Variants in KCNQ5 observed in about 807,000 individuals in gnomAD.
KCNQ5 encodes potassium voltage-gated channel subfamily Q member 5.
In KCNQ5, 30 loss-of-function variants were observed where a neutral mutation model predicts 98.2. The observed-to-expected ratio is 0.31, with a 90% CI of 0.23 to 0.41. KCNQ5 has a LOEUF of 0.41. KCNQ5 is among the 10% of genes least tolerant of loss of function. The pLI is 1.00. For missense variants in KCNQ5, 835 were observed against 1,182.5 expected (o/e 0.71, Z 4.31); for synonymous variants, 458 against 449.4 (o/e 1.02, Z -0.24).
chr6:73,168,036 C>G (rs977062632), intron 10 of KCNQ5, among the ~76,000 whole-genome samples: 2 of 152,160 alleles, frequency 1.3e-5, no homozygotes, highest in Admixed American at 1.3e-4. Flanking sequence ...TCATCTCTCT[C>G]CTACTAGGCT....
At chr6:73,093,664 C>T (rs1051663875) in intron 5 of KCNQ5, among the ~76,000 whole-genome samples, 1 of 152,002 alleles carries the variant, frequency 6.6e-6, no homozygotes, top group Non-Finnish European at 1.5e-5. Flanking sequence ...CATTTTTGGC[C>T]CAATGATCAT....
intron 1 of KCNQ5, among the ~76,000 whole-genome samples, chr6:72,725,301 T>G (rs1404410491): frequency 6.6e-6 from 1 of 152,162 alleles, no homozygotes; most frequent in Non-Finnish European, 1.5e-5. Context: ...GAAGATCAAG[T>G]AGTCATCATT....
At chr6:73,037,816 G>A (rs568854814) in intron 2 of KCNQ5, among the ~76,000 whole-genome samples, 10 of 152,000 alleles carry the variant, frequency 6.6e-5, no homozygotes, top group African/African-American at 1.2e-4. Context: ...GATTGATCTC[G>A]TTTTATTCTT....
intron 1 of KCNQ5, among the ~76,000 whole-genome samples, chr6:72,979,321 T>G (rs1374433772): frequency 6.6e-6 from 1 of 152,230 alleles, no homozygotes; most frequent in Non-Finnish European, 1.5e-5. Flanking sequence ...TTTCTCCACA[T>G]CCTCTCCAGC....
chr6:73,083,759 A>G (rs1433777515), intron 5 of KCNQ5, among the ~76,000 whole-genome samples: 1 of 152,234 alleles, frequency 6.6e-6, no homozygotes, highest in Non-Finnish European at 1.5e-5. Context: ...ATTAATATAT[A>G]ATATCAGAAA....
intron 1 of KCNQ5, among the ~76,000 whole-genome samples, chr6:72,715,257 G>A (rs911386236): frequency 2.0e-5 from 3 of 152,128 alleles, no homozygotes; most frequent in Admixed American, 6.5e-5. Context: ...TGTACCTGCT[G>A]GTGAGATCAC....
At chr6:73,183,380 G>T (rs576197849) in intron 11 of KCNQ5, among the ~76,000 whole-genome samples, 1 of 152,148 alleles carries the variant, frequency 6.6e-6, no homozygotes, top group Non-Finnish European at 1.5e-5. Context: ...CAGAATGCAG[G>T]TAAAGTACTT....
intron 2 of KCNQ5, among the ~76,000 whole-genome samples, chr6:73,034,037 A>G (rs1403006033): frequency 6.6e-6 from 1 of 152,190 alleles, no homozygotes; most frequent in Non-Finnish European, 1.5e-5. Flanking sequence ...ATTCCGGAAG[A>G]TATTTACTTT....
chr6:73,038,025 C>T (rs1293845197), intron 2 of KCNQ5, among the ~76,000 whole-genome samples: 1 of 152,048 alleles, frequency 6.6e-6, no homozygotes, highest in African/African-American at 2.4e-5. Flanking sequence ...TTTCTCCTCA[C>T]TTATTTAGGT....
chr6:73,024,259 A>G lies in KCNQ5; in HGVS notation c.490-17677A>G, dbSNP rs372627252. Among the ~76,000 whole-genome samples, 88 of 152,260 alleles carry G rather than the reference A, an allele frequency of 5.8e-4. No homozygotes were observed. In the South Asian group the frequency reaches 0.013, roughly 23 times the overall value. On this transcript the variant is annotated intron_variant, in intron 2 of 13. Transcript: ENST00000370398. ...AACCACTGACACAAGCACCTGCATC[A>G]TTAGGACAGAATGATTTCAAAGGAC...
chr6:72,955,508 TTATAAC>T (rs1482241754), intron 1 of KCNQ5, among the ~76,000 whole-genome samples: 2 of 152,202 alleles, frequency 1.3e-5, no homozygotes, highest in African/African-American at 2.4e-5. Flanking sequence ...CCCTAATCTA[TTATAAC>T]TATAAGTAGG....
chr6:72,917,560 C>T (rs1562066460), intron 1 of KCNQ5, among the ~76,000 whole-genome samples: 2 of 151,934 alleles, frequency 1.3e-5, no homozygotes, highest in Non-Finnish European at 2.9e-5. Context: ...GCAACCTCCA[C>T]CTCCCAGGTT....
chr6:73,136,127 G>A (rs1033067276), intron 10 of KCNQ5: 12 of 152,274 alleles, frequency 7.9e-5, no homozygotes, highest in African/African-American at 2.6e-4. Flanking sequence ...GCTGAGATGT[G>A]TCCATATCTT....
chr6:73,105,947 C>A (rs1774980530), intron 6 of KCNQ5, among the ~76,000 whole-genome samples: 1 of 152,122 alleles, frequency 6.6e-6, no homozygotes, highest in African/African-American at 2.4e-5. Flanking sequence ...TGAAGCCTGC[C>A]TTTCTCATAC....
At chr6:72,675,814 A>AT (rs1478602405) in intron 1 of KCNQ5, among the ~76,000 whole-genome samples, 1 of 152,098 alleles carries the variant, frequency 6.6e-6, no homozygotes, top group Admixed American at 6.6e-5. Context: ...ATTTAGAAGG[A>AT]TTTTCCAGTG....
At chr6:73,001,612 G>A (rs1769573351) in intron 1 of KCNQ5, among the ~76,000 whole-genome samples, 1 of 152,080 alleles carries the variant, frequency 6.6e-6, no homozygotes, top group Non-Finnish European at 1.5e-5. Flanking sequence ...GACTTGGTGG[G>A]GAAAGGGAGG....
At chr6:73,135,177 GAC>G (rs1159033127) in intron 10 of KCNQ5, 1 of 151,152 alleles carries the variant, frequency 6.6e-6, no homozygotes, top group Non-Finnish European at 1.5e-5. Context: ...AAAAATTATT[GAC>G]ACAGAAAGAT....
intron 1 of KCNQ5, among the ~76,000 whole-genome samples, chr6:72,724,009 T>C (rs1459323895): frequency 6.6e-6 from 1 of 152,220 alleles, no homozygotes; most frequent in Non-Finnish European, 1.5e-5. Flanking sequence ...ATTGACTTTC[T>C]TTTGACACGC....
chr6:73,099,227 A>G (rs1212480145), intron 5 of KCNQ5, among the ~76,000 whole-genome samples: 1 of 152,144 alleles, frequency 6.6e-6, no homozygotes, highest in African/African-American at 2.4e-5. Context: ...AAAGGAAGAC[A>G]AGAAGGAAAG....
Sources: allele counts gnomAD v4.1 joint callset (sites outside exome capture counted in the v4.1 genomes callset), GRCh38; gene constraint gnomAD v4.1.1; transcripts MANE v1.5; gene names NCBI Gene and HGNC (gene_info 2026-07-23, HGNC 2026-07-21).